CACNA2D2: variants seen among roughly 807,000 people sequenced by gnomAD.
CACNA2D2 encodes the protein calcium voltage-gated channel auxiliary subunit alpha2delta 2.
A neutral mutation model predicts 166.4 loss-of-function variants in CACNA2D2; 48 were observed. That is an observed-to-expected ratio of 0.29 (90% CI 0.23 to 0.37). The LOEUF (loss-of-function observed/expected upper bound fraction) is 0.37, where lower values mean the gene tolerates loss of function less well. Ranked by LOEUF, CACNA2D2 falls within the 10% of genes least tolerant of loss-of-function variation. CACNA2D2 has a pLI of 1.00. For missense variants in CACNA2D2, 1,122 were observed against 1,433.0 expected, an observed-to-expected ratio of 0.78 and a Z score of 3.50; for synonymous variants, 561 against 573.7, an observed-to-expected ratio of 0.98 and a Z score of 0.32.
intron 2 of CACNA2D2, among the ~76,000 whole-genome samples, chr3:50,453,561 T>C (rs1177271380): frequency 6.6e-6 from 1 of 152,112 alleles, no homozygotes; most frequent in African/African-American, 2.4e-5. Context: ...GGTGTGATTA[T>C]TAGGACCTTC....
At chr3:50,435,910 G>A (rs533290176) in intron 2 of CACNA2D2, among the ~76,000 whole-genome samples, 1 of 152,346 alleles carries the variant, frequency 6.6e-6, no homozygotes, top group South Asian at 2.1e-4. Context: ...GAGAGGCCCC[G>A]AGTGAGTGCC....
intron 1 of CACNA2D2, among the ~76,000 whole-genome samples, chr3:50,494,367 G>A (rs1575782277): frequency 6.6e-6 from 1 of 152,170 alleles, no homozygotes; most frequent in Non-Finnish European, 1.5e-5. Flanking sequence ...AGGAGAACAC[G>A]GGCTGTGGAA....
chr3:50,365,966 T>G lies in CACNA2D2; in HGVS notation c.2862+45A>C, dbSNP rs1265264264. ...GTAGGGGGTCATCTGTGGGCAGGTC[T>G]CCCAGTCCCCCCCATCTCCAGTCCA... On this transcript the variant is annotated intron_variant, in intron 32 of 37. Transcript: ENST00000424201. The surrounding 1 kb of genome is among the most constrained non-coding windows in gnomAD (Gnocchi z 4.5). The G allele has an allele frequency of 1.9e-6, 3 of 1,610,576 alleles. No individual in the cohort carries two copies. Among genetic ancestry groups the G allele is most frequent in the Non-Finnish European group, 2.5e-6 (3 of 1,178,410 alleles).
chr3:50,416,775 T>C (rs541151732), intron 3 of CACNA2D2, among the ~76,000 whole-genome samples: 3 of 152,332 alleles, frequency 2.0e-5, no homozygotes, highest in Admixed American at 6.5e-5. Context: ...GAGATCTTCA[T>C]CTTGGACCTG....
At chr3:50,481,645 T>C (rs1368527066) in intron 1 of CACNA2D2, among the ~76,000 whole-genome samples, 1 of 152,126 alleles carries the variant, frequency 6.6e-6, no homozygotes, top group African/African-American at 2.4e-5. Flanking sequence ...CGTCTCTTGC[T>C]TCTCTCATGA....
In CACNA2D2 at chr3:50,457,416, A is replaced by G. The variant is rs1233386221; in HGVS notation, c.288+18702T>C. Among the ~76,000 whole-genome samples the G allele has an allele frequency of 2.0e-5, 3 of 152,122 alleles. No individual in the cohort carries two copies. In the East Asian group the frequency reaches 5.8e-4, roughly 29 times the overall value. ...CTTGTAACCAGCAGCTACCTGCAAA[A>G]TATCACTCCATAATCTGGGCTCTGA... On this transcript the variant is annotated intron_variant, in intron 2 of 37. Transcript: ENST00000424201.
chr3:50,502,745 C>T (rs1293207554), intron 1 of CACNA2D2, among the ~76,000 whole-genome samples: 1 of 152,182 alleles, frequency 6.6e-6, no homozygotes, highest in East Asian at 1.9e-4. Flanking sequence ...AGGAAAAGGC[C>T]CTTGAAGGCA....
chr3:50,451,925 C>T (rs940374413), intron 2 of CACNA2D2, among the ~76,000 whole-genome samples: 1 of 152,182 alleles, frequency 6.6e-6, no homozygotes, highest in Non-Finnish European at 1.5e-5. Flanking sequence ...GAGGCCTCAG[C>T]GCTGGCAAGA....
chr3:50,493,380 G>T (rs1180595124), intron 1 of CACNA2D2, among the ~76,000 whole-genome samples: 1 of 152,224 alleles, frequency 6.6e-6, no homozygotes, highest in Non-Finnish European at 1.5e-5. Flanking sequence ...GGGCTTCTGG[G>T]CAAGGTTTCC....
rs1287219010 is a variant in CACNA2D2 at position 50,368,243 on chromosome 3, T to C, written c.2046-8A>G. The stretch of plus-strand genomic sequence containing the variant: ...AGGTCCTTGCAGTACTCTCTAGGGA[T>C]GGGGAGGGGCAAGAAGAGTGGGCTT... On this transcript the variant is annotated splice_polypyrimidine_tract_variant and splice_region_variant and intron_variant, in intron 23 of 37. Transcript: ENST00000424201. 3.2e-6 allele frequency: 5 copies of C among 1,577,970 alleles called. No homozygotes were observed. The highest frequency in any genetic ancestry group is 4.4e-6 in the Non-Finnish European group (5 of 1,147,366).
chr3:50,440,405 TG>T (rs1322575131), intron 2 of CACNA2D2, among the ~76,000 whole-genome samples: 3 of 152,274 alleles, frequency 2.0e-5, no homozygotes, highest in African/African-American at 7.2e-5. Context: ...TAAGTGGCCA[TG>T]CCACACTGCC....
intron 2 of CACNA2D2, among the ~76,000 whole-genome samples, chr3:50,466,647 G>A (rs1336137713): frequency 6.6e-6 from 1 of 152,222 alleles, no homozygotes; most frequent in East Asian, 1.9e-4. Context: ...ATCAGCCCAT[G>A]TTCCACCTCA....
rs1043564496 is a variant in CACNA2D2, at chr3:50,427,367, C to G, written c.405+6946G>C. The stretch of plus-strand genomic sequence containing the variant: ...CATCCCTGGGGACCCCCAGCTGGCT[C>G]CTGTGGGCGGCAACTTGCCAGGAAG... On this transcript the variant is annotated intron_variant, in intron 3 of 37. Transcript: ENST00000424201. This position sits in a 1 kb window ranked among gnomAD's most constrained non-coding sequence, Gnocchi z 4.7. 6.6e-6 allele frequency among the ~76,000 whole-genome samples: 1 copy of G among 152,242 alleles called. No individual in the cohort carries two copies. Among genetic ancestry groups the G allele is most frequent in the Admixed American group, 6.5e-5 (1 of 15,292 alleles).
rs756860422 is a variant in CACNA2D2, at chr3:50,474,787, G to T, written c.288+1331C>A. Among the ~76,000 whole-genome samples, 5 of 152,126 alleles carry T rather than the reference G, an allele frequency of 3.3e-5. No homozygotes were observed. In the South Asian group the frequency reaches 8.3e-4, roughly 25 times the overall value. On this transcript the variant is annotated intron_variant, in intron 2 of 37. Coordinates refer to ENST00000424201, the MANE Select transcript of CACNA2D2 (RefSeq NM_006030.4). ...GCTACTTGGAGCCTGGTTAGTGCTG[G>T]GTGCTATTCCTGAGCCTAAATTGAC...
chr3:50,446,970 A>G (rs1708876533), intron 2 of CACNA2D2, among the ~76,000 whole-genome samples: 2 of 152,228 alleles, frequency 1.3e-5, no homozygotes, highest in Non-Finnish European at 2.9e-5. Flanking sequence ...AAGCAGCAGC[A>G]AAGAGCCAGG....
chr3:50,469,855 A>T (rs1369068330), intron 2 of CACNA2D2, among the ~76,000 whole-genome samples: 1 of 152,178 alleles, frequency 6.6e-6, no homozygotes, highest in East Asian at 1.9e-4. Flanking sequence ...TTCAGAAGGC[A>T]CAGCTTTTCC....
Position 50,397,629 on chromosome 3 carries a change from T to C in CACNA2D2, c.406-3461A>G, listed in dbSNP as rs1026817729. Among the ~76,000 whole-genome samples the C allele has an allele frequency of 3.3e-5, 5 of 152,300 alleles. 1 individual carries two copies. Among genetic ancestry groups the C allele is most frequent in the Admixed American group, 3.3e-4 (5 of 15,302 alleles). On this transcript the variant is annotated intron_variant, in intron 3 of 37. Coordinates refer to ENST00000424201, the MANE Select transcript of CACNA2D2 (RefSeq NM_006030.4). ...ACATAGTAACTGCACCCACTCAGGGTGGCTAGGCTCTTGGCAGCCCCCTTC... is the reference window on the plus strand; with the variant it reads ...ACATAGTAACTGCACCCACTCAGGGCGGCTAGGCTCTTGGCAGCCCCCTTC...
rs1707850991 is a variant in CACNA2D2, at chr3:50,427,371, T to C, written c.405+6942A>G. 6.6e-6 allele frequency among the ~76,000 whole-genome samples: 1 copy of C among 152,186 alleles called. No homozygotes were observed. Among genetic ancestry groups the C allele is most frequent in the South Asian group, 2.1e-4 (1 of 4,828 alleles). On this transcript the variant is annotated intron_variant, in intron 3 of 37. Transcript: ENST00000424201. The surrounding 1 kb of genome is among the most constrained non-coding windows in gnomAD (Gnocchi z 4.7). The stretch of plus-strand genomic sequence containing the variant: ...CCTGGGGACCCCCAGCTGGCTCCTG[T>C]GGGCGGCAACTTGCCAGGAAGCAGC...
intron 1 of CACNA2D2, among the ~76,000 whole-genome samples, chr3:50,501,813 G>A (rs1183220945): frequency 6.6e-6 from 1 of 152,098 alleles, no homozygotes; most frequent in African/African-American, 2.4e-5. Context: ...TTCCATCACG[G>A]CAAATGAAAG....
Sources: allele counts gnomAD v4.1 joint callset (sites outside exome capture counted in the v4.1 genomes callset), GRCh38; gene constraint gnomAD v4.1.1; non-coding constraint Gnocchi (gnomAD v3.1); transcripts MANE v1.5; gene names NCBI Gene and HGNC (gene_info 2026-07-23, HGNC 2026-07-21).